The following RTL9 variants were observed in gnomAD, a reference collection of about 807,000 sequenced individuals.
RTL9 encodes the protein retrotransposon Gag like 9, also known as retrotransposon Gag-like protein 9.
RTL9 carries 19 observed loss-of-function variants against 44.7 expected under a neutral mutation model. The observed-to-expected ratio is 0.42, with a 90% confidence interval of 0.30 to 0.62. The LOEUF is 0.62. RTL9 is among the 20% of genes least tolerant of loss of function. The pLI is 0.16. For missense variants in RTL9, 1,105 were observed against 1,080.6 expected (o/e 1.02, Z -0.32); for synonymous variants, 407 against 398.9 (o/e 1.02, Z -0.24).
intron 1 of RTL9, among the ~76,000 whole-genome samples, chrX:110,408,839 T>C (rs745999576): frequency 7.1e-5 from 8 of 112,908 alleles, no homozygotes; most frequent in African/African-American, 1.3e-4. Context: ...TAGTGTTTTA[T>C]TATGTATTGC....
At chrX:110,374,935 C>T (rs1175264995) in intron 1 of RTL9, among the ~76,000 whole-genome samples, 1 of 111,078 alleles carries the variant, frequency 9.0e-6, no homozygotes, top group African/African-American at 3.3e-5. Flanking sequence ...GAAGTCCCTT[C>T]AGCCTTTTTA....
chrX:110,434,067 A>G (rs1376984026), intron 1 of RTL9, among the ~76,000 whole-genome samples: 1 of 111,663 alleles, frequency 9.0e-6, no homozygotes, highest in Non-Finnish European at 1.9e-5. Flanking sequence ...CTTGAGCAGC[A>G]TCTTGAGGGA....
At chrX:110,454,161 G>A (rs753382494) in exon 1 of RTL9, 10 of 1,210,470 alleles carry the variant, frequency 8.3e-6, no homozygotes, top group South Asian at 7.0e-5. Context: ...GTTTTTGGAC[G>A]ATTCAGAGAG....
intron 1 of RTL9, among the ~76,000 whole-genome samples, chrX:110,404,864 G>A (rs1411955386): frequency 9.0e-6 from 1 of 111,395 alleles, no homozygotes; most frequent in Admixed American, 9.5e-5. Context: ...TCACTCAGAG[G>A]CAAAATGTGT....
At chrX:110,370,224 T>G (rs1341168245) in intron 1 of RTL9, among the ~76,000 whole-genome samples, 1 of 111,774 alleles carries the variant, frequency 8.9e-6, no homozygotes, top group East Asian at 2.8e-4. Context: ...TATTATTTTT[T>G]AAAGACAGAG....
chrX:110,413,677 C>A (rs1033638130), intron 1 of RTL9, among the ~76,000 whole-genome samples: 1 of 109,802 alleles, frequency 9.1e-6, no homozygotes, highest in African/African-American at 3.3e-5. Flanking sequence ...CAGTCAGAAC[C>A]CCCTACCATC....
chrX:110,401,181 C>T (rs7049753), intron 1 of RTL9, among the ~76,000 whole-genome samples: 4,269 of 112,025 alleles, frequency 0.038, 190 homozygotes, highest in African/African-American at 0.13. Flanking sequence ...AGGATTTGAA[C>T]GTAGGCTCCA....
intron 1 of RTL9, among the ~76,000 whole-genome samples, chrX:110,399,092 A>G (rs1293959420): frequency 8.9e-6 from 1 of 112,175 alleles, no homozygotes; most frequent in African/African-American, 3.2e-5. Context: ...CTCCTGACTC[A>G]TGGTCTCTTG....
intron 1 of RTL9, among the ~76,000 whole-genome samples, chrX:110,396,281 C>T (rs1276211448): frequency 9.0e-6 from 1 of 111,275 alleles, no homozygotes; most frequent in African/African-American, 3.3e-5. Context: ...TATAATGAAC[C>T]CCCAAGTATC....
At chrX:110,387,519 G>A (rs907389906) in intron 1 of RTL9, among the ~76,000 whole-genome samples, 1 of 112,040 alleles carries the variant, frequency 8.9e-6, no homozygotes, top group Admixed American at 9.5e-5. Context: ...AGACTTCCTA[G>A]AATCATAGTT....
chrX:110,391,204 T>A (rs868251907), intron 1 of RTL9, among the ~76,000 whole-genome samples: 5 of 111,389 alleles, frequency 4.5e-5, no homozygotes, highest in Middle Eastern at 4.7e-3. Flanking sequence ...CCTTGTTTGG[T>A]TTTCCCCACA....
chrX:110,440,451 G>A (rs2068872001), intron 1 of RTL9, among the ~76,000 whole-genome samples: 1 of 111,949 alleles, frequency 8.9e-6, no homozygotes, highest in Non-Finnish European at 1.9e-5. Flanking sequence ...TTTGTTGGTA[G>A]GAGGAACTCA....
At chrX:110,374,328 A>G (rs2068360427) in intron 1 of RTL9, among the ~76,000 whole-genome samples, 1 of 112,184 alleles carries the variant, frequency 8.9e-6, no homozygotes, top group South Asian at 3.7e-4. Flanking sequence ...GCCAGGGTAT[A>G]TGCACATTAA....
At chrX:110,455,504 C>G (rs1007304075) in exon 2 of RTL9, 4 of 464,406 alleles carry the variant, frequency 8.6e-6, no homozygotes, top group Non-Finnish European at 1.4e-5. Flanking sequence ...ACCCACATGC[C>G]TAAGACCTGC....
In RTL9 at chrX:110,452,890, C is replaced by G. The variant is rs201620607; in HGVS notation, c.2273C>G (p.Thr758Arg). ...ACCTCTGATGTGATGTCCACACCAACAGTGAGAGCCTGGACCTCTGAAACA... is the reference window on the plus strand; with the variant it reads ...ACCTCTGATGTGATGTCCACACCAAGAGTGAGAGCCTGGACCTCTGAAACA... Residue 758 changes from threonine (T) to arginine (R), a missense_variant, in exon 1 of 2, where the codon ACA (threonine) becomes AGA (arginine). Physicochemically the swap from Thr to Arg is moderately conservative, Grantham distance 71. Coordinates refer to ENST00000540313, the Ensembl canonical transcript of RTL9. The G allele has an allele frequency of 2.0e-4, 237 of 1,209,865 alleles. No individual in the cohort carries two copies. Among genetic ancestry groups the G allele is most frequent in the Middle Eastern group, 9.1e-4 (4 of 4,377 alleles).
At chrX:110,426,167 C>G (rs138442977) in intron 1 of RTL9, among the ~76,000 whole-genome samples, 4 of 112,097 alleles carry the variant, frequency 3.6e-5, no homozygotes, top group Non-Finnish European at 7.5e-5. Flanking sequence ...GGTTTTGCAC[C>G]GGTGAGCAAA....
intron 1 of RTL9, among the ~76,000 whole-genome samples, chrX:110,360,408 A>G (rs971900637): frequency 1.8e-5 from 2 of 111,919 alleles, no homozygotes; most frequent in Admixed American, 9.5e-5. Flanking sequence ...GAGATTAACT[A>G]GAGGGAAGAA....
intron 1 of RTL9, among the ~76,000 whole-genome samples, chrX:110,404,546 A>G: frequency 8.9e-6 from 1 of 112,291 alleles, no homozygotes; most frequent in East Asian, 2.8e-4. Context: ...AAGAAACTGT[A>G]ATTACGAAAG....
At chrX:110,439,207 C>T (rs1382947547) in intron 1 of RTL9, among the ~76,000 whole-genome samples, 4 of 111,784 alleles carry the variant, frequency 3.6e-5, no homozygotes, top group South Asian at 3.8e-4. Context: ...ACTGACAAGC[C>T]GGCCAGAGAC....
Sources: gnomAD v4.1 joint callset for allele counts (sites outside exome capture counted in the v4.1 genomes callset) on GRCh38, gnomAD v4.1.1 for gene constraint, MANE v1.5 for transcripts, NCBI Gene and HGNC (gene_info 2026-07-23, HGNC 2026-07-21) for gene names.